Variants in HDAC9 observed in about 807,000 individuals in gnomAD.
HDAC9 encodes MEF-2 interacting transcription repressor (MITR) protein.
In HDAC9, 41 loss-of-function variants were observed where a neutral mutation model predicts 139.4. That is an observed-to-expected ratio of 0.29 (90% CI 0.23 to 0.38). The LOEUF is 0.38. HDAC9 is among the 10% of genes least tolerant of loss of function. The pLI is 1.00. For missense variants in HDAC9, 1,147 were observed against 1,297.0 expected, an observed-to-expected ratio of 0.88 and a Z score of 1.78; for synonymous variants, 517 against 476.2, an observed-to-expected ratio of 1.09 and a Z score of -1.12.
At chr7:18,139,840 C>T (rs1400786782) in intron 1 of HDAC9, among the ~76,000 whole-genome samples, 2 of 152,158 alleles carry the variant, frequency 1.3e-5, no homozygotes, top group Non-Finnish European at 1.5e-5. Context: ...AAAGCAAAGA[C>T]TGGGCAGCCT....
intron 24 of HDAC9, among the ~76,000 whole-genome samples, chr7:18,974,238 C>G (rs1374405066): frequency 1.3e-5 from 2 of 152,244 alleles, no homozygotes; most frequent in South Asian, 4.1e-4. Context: ...GGATGATCAA[C>G]TATTAGGTTT....
At chr7:18,573,562 C>T (rs1187030896) in intron 2 of HDAC9, among the ~76,000 whole-genome samples, 1 of 152,228 alleles carries the variant, frequency 6.6e-6, no homozygotes, top group Non-Finnish European at 1.5e-5. Context: ...CAGCCCAGAA[C>T]CCACACCTGC....
At chr7:18,982,291 A>G (rs534635934) in intron 25 of HDAC9, among the ~76,000 whole-genome samples, 2 of 152,254 alleles carry the variant, frequency 1.3e-5, no homozygotes, top group African/African-American at 2.4e-5. Context: ...AAACAAAACA[A>G]AACAACTGGA....
chr7:18,218,754 T>A (rs895221153), intron 2 of HDAC9, among the ~76,000 whole-genome samples: 3 of 152,224 alleles, frequency 2.0e-5, no homozygotes, highest in Non-Finnish European at 4.4e-5. Context: ...GATTTTTATA[T>A]GTTTGCTTAG....
At chr7:18,748,618 T>C (rs2129146813) in intron 13 of HDAC9, among the ~76,000 whole-genome samples, 1 of 152,302 alleles carries the variant, frequency 6.6e-6, no homozygotes, top group East Asian at 1.9e-4. Flanking sequence ...GTGGCTCCAA[T>C]GGTGTGGTGA....
chr7:18,669,061 A>G (rs542526431), intron 12 of HDAC9, among the ~76,000 whole-genome samples: 1 of 151,644 alleles, frequency 6.6e-6, no homozygotes, highest in South Asian at 2.1e-4. Context: ...TAGCTAACAC[A>G]TGTAAAATTT....
intron 1 of HDAC9, among the ~76,000 whole-genome samples, chr7:18,330,958 G>C (rs1800875625): frequency 6.6e-6 from 1 of 151,690 alleles, no homozygotes; most frequent in African/African-American, 2.4e-5. Flanking sequence ...GGAAATTTTA[G>C]ATCAAGGAGG....
In HDAC9 at chr7:18,950,179, C is replaced by T. The variant is rs149487001; in HGVS notation, c.2938-3967C>T. 8.5e-5 allele frequency among the ~76,000 whole-genome samples: 13 copies of T among 152,116 alleles called. No homozygotes were observed. In the East Asian group the frequency reaches 1.5e-3, roughly 18 times the overall value. On this transcript the variant is annotated intron_variant, in intron 23 of 25. Coordinates refer to ENST00000686413, the MANE Select transcript of HDAC9 (RefSeq NM_178425.4). ...ATTGTCATTCTATTGCTTTTTCTTC[C>T]GCTCAATTGGAAGCAACCTTTTCTC...
Position 18,996,912 on chromosome 7 carries a change from G to GTCTT in HDAC9, c.*852_*855dup, listed in dbSNP as rs1786498154. On this transcript the variant is annotated 3_prime_UTR_variant, in exon 26 of 26. Transcript: ENST00000686413. ...AAATGTTCCACCAAGCATTTTCAGT[G>GTCTT]TCTTTGAAAAGCACGTAACTTTTCA... 1 of 152,152 alleles carries GTCTT rather than the reference G, an allele frequency of 6.6e-6. No homozygotes were observed. The highest frequency in any genetic ancestry group is 2.4e-5 in the African/African-American group (1 of 41,434). The allele number at this position is 152,152 out of a possible 1,614,324, so 9.4% of individuals were successfully genotyped here. A position where few individuals can be genotyped will look rare whatever the true frequency, so the allele number is the denominator to read the frequency against.
intron 13 of HDAC9, among the ~76,000 whole-genome samples, chr7:18,744,616 T>C (rs941000343): frequency 3.3e-5 from 5 of 152,320 alleles, no homozygotes; most frequent in African/African-American, 1.2e-4. Flanking sequence ...CAAGATAAAT[T>C]GTCTATAAAG....
At chr7:18,196,391 G>A (rs1183206714) in intron 2 of HDAC9, among the ~76,000 whole-genome samples, 1 of 152,154 alleles carries the variant, frequency 6.6e-6, no homozygotes, top group African/African-American at 2.4e-5. Context: ...AGGAGGTAAA[G>A]CTTCAGACAA....
chr7:18,502,213 C>T (rs1345254157), intron 2 of HDAC9: 1 of 152,206 alleles, frequency 6.6e-6, no homozygotes, highest in Admixed American at 6.5e-5. Context: ...CGACAAACTC[C>T]AGAGACAAAG....
At chr7:18,878,182 T>C (rs1165927036) in intron 22 of HDAC9, among the ~76,000 whole-genome samples, 1 of 152,198 alleles carries the variant, frequency 6.6e-6, no homozygotes, top group African/African-American at 2.4e-5. Context: ...TATAGTGTTG[T>C]TAACATTTTT....
intron 1 of HDAC9, among the ~76,000 whole-genome samples, chr7:18,455,561 TA>T (rs1793268111): frequency 6.6e-6 from 1 of 152,196 alleles, no homozygotes; most frequent in Admixed American, 6.6e-5. Flanking sequence ...AATCGTATTT[TA>T]AAAACATAAA....
intron 2 of HDAC9, among the ~76,000 whole-genome samples, chr7:18,174,102 G>T (rs1044024875): frequency 6.6e-6 from 1 of 152,120 alleles, no homozygotes; most frequent in Non-Finnish European, 1.5e-5. Context: ...TGTAGATTTG[G>T]TCTTTTCGCA....
At chr7:18,472,190 C>T (rs1372182173) in intron 1 of HDAC9, among the ~76,000 whole-genome samples, 1 of 152,076 alleles carries the variant, frequency 6.6e-6, no homozygotes, top group Non-Finnish European at 1.5e-5. Flanking sequence ...TAATATCTAT[C>T]CCTCTCTACT....
At chr7:18,458,174 G>GT (rs1321254326) in intron 1 of HDAC9, among the ~76,000 whole-genome samples, 1 of 152,198 alleles carries the variant, frequency 6.6e-6, no homozygotes, top group East Asian at 1.9e-4. Context: ...CACCCTCTCA[G>GT]TGCCAGGGTG....
At chr7:18,235,213 G>T (rs915885088) in intron 2 of HDAC9, among the ~76,000 whole-genome samples, 1 of 151,970 alleles carries the variant, frequency 6.6e-6, no homozygotes, top group African/African-American at 2.4e-5. Context: ...AAACATTTTT[G>T]TGTGGTATAA....
intron 1 of HDAC9, among the ~76,000 whole-genome samples, chr7:18,310,834 AC>A (rs1799265397): frequency 6.6e-6 from 1 of 151,582 alleles, no homozygotes; most frequent in Non-Finnish European, 1.5e-5. Context: ...ACACACACAC[AC>A]ACACACACAC....
Sources: allele counts gnomAD v4.1 joint callset (sites outside exome capture counted in the v4.1 genomes callset), GRCh38; gene constraint gnomAD v4.1.1; transcripts MANE v1.5; gene names NCBI Gene and HGNC (gene_info 2026-07-23, HGNC 2026-07-21).